UBASH3B: variants seen among roughly 807,000 people sequenced by gnomAD.
The protein encoded by UBASH3B is ubiquitin-associated and SH3 domain-containing protein B.
In UBASH3B, 37 loss-of-function variants were observed where a neutral mutation model predicts 83.4. The ratio of observed to expected loss-of-function variants is 0.44; its 90% CI spans 0.34 to 0.58. The LOEUF (loss-of-function observed/expected upper bound fraction) is 0.58, where lower values mean the gene tolerates loss of function less well. Ranked by LOEUF, UBASH3B falls within the 20% of genes least tolerant of loss-of-function variation. The probability of loss-of-function intolerance (pLI) is 0.01; values close to 1 mark genes in which losing one functional copy is unlikely to be tolerated. For synonymous variants in UBASH3B, 304 were observed against 318.3 expected (o/e 0.96, Z 0.48); for missense variants, 657 against 827.2 (o/e 0.79, Z 2.52).
chr11:122,740,421 G>A (rs544353974), intron 1 of UBASH3B, among the ~76,000 whole-genome samples: 2 of 152,324 alleles, frequency 1.3e-5, no homozygotes, highest in East Asian at 1.9e-4. Context: ...TGTAAAGGGT[G>A]AACCGTGTGT....
intron 1 of UBASH3B, among the ~76,000 whole-genome samples, chr11:122,728,871 A>G (rs888485177): frequency 2.6e-5 from 4 of 152,234 alleles, no homozygotes; most frequent in Non-Finnish European, 4.4e-5. Flanking sequence ...TGTCAGAGCT[A>G]GAGGGTCTTA....
chr11:122,761,144 T>G (rs1861364625), intron 1 of UBASH3B, among the ~76,000 whole-genome samples: 1 of 152,124 alleles, frequency 6.6e-6, no homozygotes, highest in Non-Finnish European at 1.5e-5. Context: ...GAGGAGGGTT[T>G]CTCTTAAGTG....
rs1327794341 is a variant in UBASH3B, at chr11:122,779,695, G to A, written c.601G>A (p.Glu201Lys). 3.7e-6 allele frequency: 6 copies of A among 1,614,000 alleles called. No individual in the cohort carries two copies. The highest frequency in any genetic ancestry group is 2.7e-5 in the African/African-American group (2 of 74,900). The stretch of plus-strand genomic sequence containing the variant: ...TGCTGCAGAGGCTGCATCCAAAACC[G>A]GTGAGCAAACAGCTGCCAGGCCAGC... ...DFAAEAASKT[E>K]VHVEPHKKQL... The change falls in exon 4 of 14, where the codon GAA (glutamate) becomes AAA (lysine). Residue 201 changes from glutamate to lysine, a missense_variant and splice_region_variant. By Grantham distance (56) the Glu-to-Lys change is moderately conservative. Around this residue, in one of 3 missense-constraint regions of UBASH3B, gnomAD observed 573 missense variants for 739.0 expected, o/e 0.78. Transcript: ENST00000284273.
At chr11:122,797,098 A>C in intron 9 of UBASH3B, 65 bp downstream of exon 9, 1 of 1,520,116 alleles carries the variant, frequency 6.6e-7, no homozygotes, top group African/African-American at 1.4e-5. Flanking sequence ...CACTGGTACC[A>C]TGGATATGCA....
intron 1 of UBASH3B, among the ~76,000 whole-genome samples, chr11:122,662,588 C>T (rs577139226): frequency 7.2e-5 from 11 of 151,976 alleles, no homozygotes; most frequent in African/African-American, 2.4e-4. Context: ...TGCACCATCA[C>T]GCCTGGCTAA....
intron 1 of UBASH3B, among the ~76,000 whole-genome samples, chr11:122,740,622 G>C (rs923314720): frequency 1.3e-5 from 2 of 152,110 alleles, no homozygotes; most frequent in Non-Finnish European, 2.9e-5. Flanking sequence ...ATAACAGAGT[G>C]ATAAGCTATA....
At chr11:122,761,790 T>A (rs1356535560) in intron 1 of UBASH3B, among the ~76,000 whole-genome samples, 1 of 99,928 alleles carries the variant, frequency 1.0e-5, no homozygotes, top group Non-Finnish European at 2.1e-5. Flanking sequence ...TTTTTTTTTT[T>A]TTTTTTTTTT....
intron 1 of UBASH3B, among the ~76,000 whole-genome samples, chr11:122,736,193 C>G (rs1310408805): frequency 6.6e-6 from 1 of 151,848 alleles, no homozygotes; most frequent in Non-Finnish European, 1.5e-5. Flanking sequence ...GTTATTTCAG[C>G]TTTGTGCCAG....
chr11:122,704,372 G>A (rs1385741180), intron 1 of UBASH3B, among the ~76,000 whole-genome samples: 1 of 152,188 alleles, frequency 6.6e-6, no homozygotes, highest in Admixed American at 6.5e-5. Context: ...GTGAGTAGGA[G>A]AGTAGTTTCC....
At chr11:122,724,471 G>A (rs184494575) in intron 1 of UBASH3B, among the ~76,000 whole-genome samples, 8 of 152,292 alleles carry the variant, frequency 5.3e-5, no homozygotes, top group Non-Finnish European at 1.0e-4. Context: ...CAGTTTGCTG[G>A]GAGACAGGCA....
intron 10 of UBASH3B, among the ~76,000 whole-genome samples, chr11:122,799,731 T>C (rs775880303): frequency 6.6e-6 from 1 of 152,210 alleles, no homozygotes; most frequent in Non-Finnish European, 1.5e-5. Context: ...TCATCATTTT[T>C]TTCTTTACTT....
At chr11:122,724,895 C>CT in intron 1 of UBASH3B, among the ~76,000 whole-genome samples, 1 of 152,158 alleles carries the variant, frequency 6.6e-6, no homozygotes, top group African/African-American at 2.4e-5. Context: ...AGGAAAGGCA[C>CT]TTGGGACTCA....
At chr11:122,716,847 C>T (rs1860533715) in intron 1 of UBASH3B, among the ~76,000 whole-genome samples, 1 of 152,092 alleles carries the variant, frequency 6.6e-6, no homozygotes, top group African/African-American at 2.4e-5. Flanking sequence ...AAGAGAAAGA[C>T]AAAAGCCTTG....
At chr11:122,689,249 G>T (rs1465202865) in intron 1 of UBASH3B, among the ~76,000 whole-genome samples, 1 of 152,048 alleles carries the variant, frequency 6.6e-6, no homozygotes, top group Non-Finnish European at 1.5e-5. Flanking sequence ...CAAAATTGAG[G>T]TTATTACTTC....
rs972905680 is a variant in UBASH3B, at chr11:122,813,226, A to G, written c.*3340A>G. On this transcript the variant is annotated 3_prime_UTR_variant, in exon 14 of 14. Coordinates refer to ENST00000284273, the MANE Select transcript of UBASH3B (RefSeq NM_032873.5). ...TCTTGTCATTGTGCTTAACATTACCATAAGTGTGTCTTTTCCACTCAACTA... is the reference window on the plus strand; with the variant it reads ...TCTTGTCATTGTGCTTAACATTACCGTAAGTGTGTCTTTTCCACTCAACTA... 6.6e-6 allele frequency: 1 copy of G among 152,234 alleles called. No individual in the cohort carries two copies. The highest frequency in any genetic ancestry group is 6.5e-5 in the Admixed American group (1 of 15,286). The allele number at this position is 152,234 out of a possible 1,614,324, so 9.4% of individuals were successfully genotyped here.
intron 1 of UBASH3B, among the ~76,000 whole-genome samples, chr11:122,731,490 C>T (rs1388474979): frequency 6.6e-6 from 1 of 152,196 alleles, no homozygotes; most frequent in Admixed American, 6.5e-5. Context: ...ATAAGCACTG[C>T]AATACTGGGA....
rs1362150304 is a variant in UBASH3B, at chr11:122,806,590, G to T, written c.1702+74G>T. On this transcript the variant is annotated intron_variant, in intron 12 of 13. Transcript: ENST00000284273. This position sits in a 1 kb window ranked among gnomAD's most constrained non-coding sequence, Gnocchi z 4.0. ...CTATAATGGTTAATAGGTTATTCAA[G>T]ATGTTTCAACTTGCTTTGGCTAACC... The T allele has an allele frequency of 7.1e-7, 1 of 1,416,674 alleles. No individual in the cohort carries two copies. Among genetic ancestry groups the T allele is most frequent in the East Asian group, 2.8e-5 (1 of 36,066 alleles). The allele number at this position is 1,416,674 out of a possible 1,614,324, so 87.8% of individuals were successfully genotyped here.
intron 1 of UBASH3B, among the ~76,000 whole-genome samples, chr11:122,701,671 T>C (rs1864041677): frequency 6.6e-6 from 1 of 152,130 alleles, no homozygotes; most frequent in Admixed American, 6.6e-5. Context: ...CTAAGAGTAT[T>C]CAGGGATAGA....
intron 8 of UBASH3B, 107 bp downstream of exon 8, chr11:122,796,383 T>C (rs369582465): frequency 6.7e-7 from 1 of 1,502,540 alleles, no homozygotes. Context: ...TTTTGCGTAC[T>C]ATAGAAGATG....
Sources: allele counts gnomAD v4.1 joint callset (sites outside exome capture counted in the v4.1 genomes callset), GRCh38; gene constraint gnomAD v4.1.1; regional missense constraint gnomAD v4.1.1; non-coding constraint Gnocchi (gnomAD v3.1); transcripts MANE v1.5; gene names NCBI Gene and HGNC (gene_info 2026-07-23, HGNC 2026-07-21).